ADAMTSL1: variants seen among roughly 807,000 people sequenced by gnomAD.
ADAMTSL1 encodes the protein ADAMTS like 1.
A neutral mutation model predicts 201.8 loss-of-function variants in ADAMTSL1; 126 were observed. The observed-to-expected ratio is 0.62, with a 90% CI of 0.54 to 0.72. ADAMTSL1 has a LOEUF of 0.72. Ranked by LOEUF, ADAMTSL1 falls within the 30% of genes least tolerant of loss-of-function variation. ADAMTSL1 has a pLI of 0.00. For missense variants in ADAMTSL1, 2,679 were observed against 2,277.8 expected, an observed-to-expected ratio of 1.18 and a Z score of -3.59; for synonymous variants, 1,121 against 903.4, an observed-to-expected ratio of 1.24 and a Z score of -4.32.
chr9:18,741,371 T>C (rs1489803846), intron 15 of ADAMTSL1, among the ~76,000 whole-genome samples: 1 of 152,026 alleles, frequency 6.6e-6, no homozygotes, highest in Non-Finnish European at 1.5e-5. Flanking sequence ...AAGACAATTA[T>C]CATGAAAGGA....
intron 1 of ADAMTSL1, among the ~76,000 whole-genome samples, chr9:17,952,678 G>A (rs1827773819): frequency 6.6e-6 from 1 of 152,068 alleles, no homozygotes; most frequent in Admixed American, 6.6e-5. Context: ...ACCACGCCCA[G>A]CTAATTTTTG....
intron 2 of ADAMTSL1, among the ~76,000 whole-genome samples, chr9:18,462,150 G>A (rs1820832052): frequency 6.6e-6 from 1 of 152,146 alleles, no homozygotes; most frequent in Admixed American, 6.5e-5. Flanking sequence ...CTCAACGTGT[G>A]CTTAAGGTAT....
intron 7 of ADAMTSL1, among the ~76,000 whole-genome samples, chr9:18,647,068 C>A (rs1447766638): frequency 6.6e-6 from 1 of 152,080 alleles, no homozygotes; most frequent in African/African-American, 2.4e-5. Flanking sequence ...AATTTCAGAT[C>A]CTGTTATTGG....
chr9:18,035,506 C>T (rs932031345), intron 1 of ADAMTSL1, among the ~76,000 whole-genome samples: 1 of 152,176 alleles, frequency 6.6e-6, no homozygotes, highest in East Asian at 1.9e-4. Flanking sequence ...CATGTTTTCT[C>T]TTCAGATACT....
intron 12 of ADAMTSL1, among the ~76,000 whole-genome samples, chr9:18,682,392 A>G (rs1830560038): frequency 1.3e-5 from 2 of 152,208 alleles, no homozygotes; most frequent in Admixed American, 1.3e-4. Context: ...GAAACAGAAA[A>G]CTGTCACTTT....
At chr9:18,703,277 T>C (rs1832030980) in intron 13 of ADAMTSL1, among the ~76,000 whole-genome samples, 1 of 152,060 alleles carries the variant, frequency 6.6e-6, no homozygotes, top group Non-Finnish European at 1.5e-5. Flanking sequence ...TGACCTCGCT[T>C]CCTCCCACTT....
At chr9:17,914,710 T>C (rs1308511368) in intron 1 of ADAMTSL1, among the ~76,000 whole-genome samples, 1 of 151,834 alleles carries the variant, frequency 6.6e-6, no homozygotes, top group East Asian at 1.9e-4. Context: ...GGTATTCAAT[T>C]AGGAAAAGAG....
At chr9:18,197,809 A>C (rs1345204878) in intron 2 of ADAMTSL1, among the ~76,000 whole-genome samples, 1 of 152,082 alleles carries the variant, frequency 6.6e-6, no homozygotes, top group Non-Finnish European at 1.5e-5. Context: ...AGTCAATCCT[A>C]AGGCAAAAGA....
At chr9:18,639,455 T>C in intron 7 of ADAMTSL1, 44 bp downstream of exon 7, 1 of 1,587,262 alleles carries the variant, frequency 6.3e-7, no homozygotes, top group South Asian at 1.1e-5. Context: ...ACATCCCAAA[T>C]GATGTTACTT....
rs1244635750 is a variant in ADAMTSL1 at position 18,894,656 on chromosome 9, T to C, written c.4851+2060T>C. On this transcript the variant is annotated intron_variant, in intron 26 of 28. Coordinates refer to ENST00000380548, the MANE Select transcript of ADAMTSL1 (RefSeq NM_001040272.6). ...GGTGGATTGTTGCTATATGGAATTG[T>C]TTGGGACATGTTTAGTATGAGATAT... 3.3e-5 allele frequency among the ~76,000 whole-genome samples: 5 copies of C among 152,238 alleles called. No individual in the cohort carries two copies. In the East Asian group the frequency reaches 9.7e-4, roughly 29 times the overall value.
intron 5 of ADAMTSL1, 106 bp from the exon 6 acceptor site, chr9:18,635,837 A>T (rs976524184): frequency 1.1e-6 from 1 of 905,504 alleles, no homozygotes; most frequent in Non-Finnish European, 1.7e-6. Context: ...ACACTTAAAA[A>T]AACTGTAGTT....
In ADAMTSL1 at chr9:18,066,014, A is replaced by AG. The variant is rs869069330; in HGVS notation, c.88-97847dup. On this transcript the variant is annotated intron_variant, in intron 1 of 29. Coordinates refer to the ADAMTSL1 transcript ENST00000680146. Reference sequence around the variant, plus strand: ...AAAAAAAAAAAAAAAAAAAAAAAAAAGAATGGCACCACCACAATGACCAGT... The same window carrying AG: ...AAAAAAAAAAAAAAAAAAAAAAAAAAGGAATGGCACCACCACAATGACCAGT... Among the ~76,000 whole-genome samples the AG allele has an allele frequency of 3.6e-3, 486 of 135,154 alleles. 7 individuals carry two copies. Among genetic ancestry groups the AG allele is most frequent in the Non-Finnish European group, 6.3e-3 (390 of 62,134 alleles). 88.7% of individuals were successfully genotyped at this position (135,154 alleles called of 152,430 possible).
intron 2 of ADAMTSL1, among the ~76,000 whole-genome samples, chr9:18,232,428 G>T (rs747072173): frequency 9.2e-5 from 14 of 151,910 alleles, no homozygotes; most frequent in Non-Finnish European, 1.5e-4. Flanking sequence ...TCCTTTCCTT[G>T]CTTTATGTTT....
intron 1 of ADAMTSL1, among the ~76,000 whole-genome samples, chr9:17,976,758 T>C (rs939340664): frequency 2.2e-5 from 3 of 133,510 alleles, no homozygotes; most frequent in African/African-American, 8.2e-5. Flanking sequence ...GATCCATCCA[T>C]CCATCATCAA....
At chr9:18,190,515 G>T (rs1195069142) in intron 2 of ADAMTSL1, among the ~76,000 whole-genome samples, 4 of 152,040 alleles carry the variant, frequency 2.6e-5, no homozygotes, top group African/African-American at 9.7e-5. Context: ...ATTTCAACCC[G>T]ATTTCAAGCC....
At chr9:18,349,773 G>A (rs529070688) in intron 2 of ADAMTSL1, among the ~76,000 whole-genome samples, 1 of 152,190 alleles carries the variant, frequency 6.6e-6, no homozygotes, top group East Asian at 1.9e-4. Flanking sequence ...CTAAACACAA[G>A]ACTGGACTGC....
intron 2 of ADAMTSL1, among the ~76,000 whole-genome samples, chr9:18,168,636 T>C (rs1346685551): frequency 6.6e-6 from 1 of 150,664 alleles, no homozygotes; most frequent in East Asian, 2.0e-4. Context: ...TTTGGGTATA[T>C]ACCCAGTAAT....
intron 2 of ADAMTSL1, among the ~76,000 whole-genome samples, chr9:18,267,776 A>AAAAC (rs71492933): frequency 1.6e-5 from 2 of 125,852 alleles, no homozygotes; most frequent in Admixed American, 8.3e-5. Flanking sequence ...AAAAAAAAAC[A>AAAAC]AAAACAAAAA....
intron 2 of ADAMTSL1, among the ~76,000 whole-genome samples, chr9:18,424,148 T>C (rs919477533): frequency 6.6e-6 from 1 of 152,260 alleles, no homozygotes; most frequent in South Asian, 2.1e-4. Flanking sequence ...ATTTTAGATA[T>C]GGCCTTGCTT....
Sources: allele counts gnomAD v4.1 joint callset (sites outside exome capture counted in the v4.1 genomes callset), GRCh38; gene constraint gnomAD v4.1.1; transcripts MANE v1.5; gene names NCBI Gene and HGNC (gene_info 2026-07-23, HGNC 2026-07-21).